RSRC1: variants seen among roughly 807,000 people sequenced by gnomAD.
RSRC1 encodes serine/Arginine-related protein 53.
RSRC1 carries 39 observed loss-of-function variants against 49.1 expected under a neutral mutation model. That is an observed-to-expected ratio of 0.79 (90% confidence interval 0.61 to 1.04). RSRC1 has a LOEUF of 1.04. Among genes scored for constraint, RSRC1 ranks in the 50% least tolerant of loss-of-function variants. The pLI is 0.00. For missense variants in RSRC1, 388 were observed against 402.4 expected, an observed-to-expected ratio of 0.96 and a Z score of 0.31; for synonymous variants, 143 against 130.8, an observed-to-expected ratio of 1.09 and a Z score of -0.63.
At chr3:158,286,282 G>A (rs780984298) in intron 4 of RSRC1, among the ~76,000 whole-genome samples, 37 of 152,042 alleles carry the variant, frequency 2.4e-4, no homozygotes, top group Admixed American at 7.2e-4. Context: ...CTAAAGTTTG[G>A]GAATTTAATT....
At chr3:158,131,151 T>C (rs1449631165) in intron 3 of RSRC1, among the ~76,000 whole-genome samples, 1 of 151,532 alleles carries the variant, frequency 6.6e-6, no homozygotes, top group Non-Finnish European at 1.5e-5. Flanking sequence ...TTTATATATA[T>C]ATTTTTATTA....
At chr3:158,243,544 A>G (rs1384403177) in intron 4 of RSRC1, among the ~76,000 whole-genome samples, 1 of 152,124 alleles carries the variant, frequency 6.6e-6, no homozygotes, top group Admixed American at 6.6e-5. Context: ...TTTTGCTTCC[A>G]TATTAGTTTT....
chr3:158,501,097 A>T (rs952878419), intron 7 of RSRC1, among the ~76,000 whole-genome samples: 1 of 152,164 alleles, frequency 6.6e-6, no homozygotes, highest in African/African-American at 2.4e-5. Flanking sequence ...TTAAATTCCT[A>T]TCTTGATTTC....
chr3:158,480,712 C>T (rs1738574703), intron 7 of RSRC1, among the ~76,000 whole-genome samples: 1 of 151,958 alleles, frequency 6.6e-6, no homozygotes, highest in Non-Finnish European at 1.5e-5. Flanking sequence ...CATAATTTCT[C>T]TTCCCCTGCA....
At chr3:158,275,795 A>C (rs1725776836) in intron 4 of RSRC1, 8 of 473,146 alleles carry the variant, frequency 1.7e-5, no homozygotes, top group Non-Finnish European at 2.5e-5. Flanking sequence ...TGAATTTTAC[A>C]AACTTTACCT....
At chr3:158,116,401 A>C (rs929204831) in intron 1 of RSRC1, among the ~76,000 whole-genome samples, 9 of 152,230 alleles carry the variant, frequency 5.9e-5, no homozygotes, top group African/African-American at 2.2e-4. Context: ...AGCGTTCTTC[A>C]ATATATGGCA....
At chr3:158,431,355 A>C (rs768640842) in intron 6 of RSRC1, among the ~76,000 whole-genome samples, 8 of 151,960 alleles carry the variant, frequency 5.3e-5, no homozygotes, top group Non-Finnish European at 1.2e-4. Flanking sequence ...AAAAGGCAGC[A>C]CACTCAAAGA....
intron 3 of RSRC1, among the ~76,000 whole-genome samples, chr3:158,154,754 G>A (rs569391277): frequency 1.3e-5 from 2 of 152,044 alleles, no homozygotes; most frequent in Admixed American, 6.6e-5. Context: ...GAGCCACTGC[G>A]CCCGGCCAGA....
At chr3:158,351,179 G>C (rs1247826194) in intron 5 of RSRC1, among the ~76,000 whole-genome samples, 2 of 152,210 alleles carry the variant, frequency 1.3e-5, no homozygotes, top group Non-Finnish European at 2.9e-5. Context: ...CAAGAGGCCT[G>C]TGGTGATGCT....
intron 6 of RSRC1, among the ~76,000 whole-genome samples, chr3:158,388,052 T>C (rs1733057114): frequency 6.6e-6 from 1 of 152,112 alleles, no homozygotes; most frequent in South Asian, 2.1e-4. Context: ...TAAATGAAAT[T>C]AATAACTAGA....
At chr3:158,351,122 G>T (rs750265932) in intron 5 of RSRC1, among the ~76,000 whole-genome samples, 7 of 152,082 alleles carry the variant, frequency 4.6e-5, no homozygotes, top group Non-Finnish European at 8.8e-5. Flanking sequence ...TTCTGAGCCA[G>T]GCAGCTACTG....
At chr3:158,257,728 T>A (rs976234918) in intron 4 of RSRC1, among the ~76,000 whole-genome samples, 3 of 152,184 alleles carry the variant, frequency 2.0e-5, no homozygotes, top group African/African-American at 7.2e-5. Context: ...TTTTCTTCTT[T>A]CCTGTCTTTC....
chr3:158,494,473 G>A (rs1314932306), intron 7 of RSRC1, among the ~76,000 whole-genome samples: 2 of 152,080 alleles, frequency 1.3e-5, no homozygotes, highest in African/African-American at 2.4e-5. Context: ...TATAAACACT[G>A]TACGTTAGGC....
chr3:158,207,670 G>GATAGATAGAT (rs1559943262), intron 4 of RSRC1, among the ~76,000 whole-genome samples: 62 of 67,184 alleles, frequency 9.2e-4, no homozygotes, highest in African/African-American at 4.0e-3. Flanking sequence ...GATAGACAGA[G>GATAGATAGAT]AGACAGACAG....
chr3:158,193,496 C>T lies in RSRC1; in HGVS notation c.321-9576C>T, dbSNP rs1272136641. On this transcript the variant is annotated intron_variant, in intron 3 of 9. Transcript: ENST00000611884. ...TGTCTTTTGTTACTCTGTATTTTCA[C>T]AGCTAATTGCCAGAATCATATTTTG... 2.0e-5 allele frequency among the ~76,000 whole-genome samples: 3 copies of T among 151,982 alleles called. No individual in the cohort carries two copies. In the East Asian group the frequency reaches 5.8e-4, roughly 29 times the overall value.
At chr3:158,173,583 G>C (rs546596454) in intron 3 of RSRC1, among the ~76,000 whole-genome samples, 1 of 151,970 alleles carries the variant, frequency 6.6e-6, no homozygotes, top group South Asian at 2.1e-4. Flanking sequence ...TTTACTGTAT[G>C]AACTAGCAAT....
chr3:158,347,218 TTTCATCTTTTTA>T (rs1730603180), intron 5 of RSRC1, among the ~76,000 whole-genome samples: 1 of 152,206 alleles, frequency 6.6e-6, no homozygotes, highest in African/African-American at 2.4e-5. Flanking sequence ...AACTATATCT[TTTCATCTTTTTA>T]TTCTCAACTT....
chr3:158,401,589 G>A (rs896783321), intron 6 of RSRC1, among the ~76,000 whole-genome samples: 5 of 151,948 alleles, frequency 3.3e-5, no homozygotes, highest in Non-Finnish European at 7.4e-5. Context: ...TCAGCATCCA[G>A]AACTCCTTTT....
chr3:158,532,780 G>A (rs1444821395), intron 7 of RSRC1, among the ~76,000 whole-genome samples: 2 of 151,532 alleles, frequency 1.3e-5, no homozygotes, highest in East Asian at 3.9e-4. Context: ...AGTACTAATG[G>A]TGTGTTTCCT....
Sources: gnomAD v4.1 joint callset for allele counts (sites outside exome capture counted in the v4.1 genomes callset) on GRCh38, gnomAD v4.1.1 for gene constraint, MANE v1.5 for transcripts, NCBI Gene and HGNC (gene_info 2026-07-23, HGNC 2026-07-21) for gene names.